The following PIK3CA variants were observed in gnomAD, a reference collection of about 807,000 sequenced individuals.
PIK3CA encodes the protein phosphatidylinositol 4,5-bisphosphate 3-kinase catalytic subunit alpha isoform.
Under a neutral mutation model 138.2 loss-of-function variants are expected in PIK3CA, and 27 were observed. The ratio of observed to expected loss-of-function variants is 0.20; its 90% confidence interval spans 0.14 to 0.27. PIK3CA has a LOEUF of 0.27. PIK3CA is among the 10% of genes least tolerant of loss of function. The pLI, the probability that PIK3CA is intolerant of heterozygous loss-of-function variation, is 1.00. For synonymous variants in PIK3CA, 358 were observed against 413.2 expected (o/e 0.87, Z 1.62); for missense variants, 544 against 1,277.4 (o/e 0.43, Z 8.75).
intron 1 of PIK3CA, among the ~76,000 whole-genome samples, chr3:179,164,422 TAAGAA>T (rs1402859802): frequency 6.6e-6 from 1 of 152,188 alleles, no homozygotes; most frequent in African/African-American, 2.4e-5. Context: ...CCATCCAAGT[TAAGAA>T]AAGGAAAAAT....
rs917686551 is a variant in PIK3CA at position 179,236,556 on chromosome 3, C to T, written c.*2192C>T. On this transcript the variant is annotated 3_prime_UTR_variant, in exon 21 of 21. Coordinates refer to ENST00000263967, the MANE Select transcript of PIK3CA (RefSeq NM_006218.4). The stretch of plus-strand genomic sequence containing the variant: ...ATTTAACAGAGAACTGTGTTTTACC[C>T]GAGTGCCAAAAATGCTGTGAGCCTC... 11 of 223,494 alleles carry T rather than the reference C, an allele frequency of 4.9e-5. No homozygotes were observed. Among genetic ancestry groups the T allele is most frequent in the Middle Eastern group, 4.2e-4 (1 of 2,372 alleles). The allele number at this position is 223,494 out of a possible 1,614,324, so 13.8% of individuals were successfully genotyped here. A position where few individuals can be genotyped will look rare whatever the true frequency, so the allele number is the denominator to read the frequency against.
chr3:179,170,141 CTAAG>C (rs924262388), intron 1 of PIK3CA, among the ~76,000 whole-genome samples: 2 of 152,028 alleles, frequency 1.3e-5, no homozygotes, highest in African/African-American at 2.4e-5. Context: ...CTTTGACGTA[CTAAG>C]TAATAGATAT....
intron 1 of PIK3CA, among the ~76,000 whole-genome samples, chr3:179,171,398 AAGAGT>A (rs1284210453): frequency 6.6e-6 from 1 of 152,172 alleles, no homozygotes; most frequent in African/African-American, 2.4e-5. Context: ...CTAGAAAAGA[AAGAGT>A]AAAGTGTACC....
chr3:179,188,333 TA>T (rs1724043896), intron 1 of PIK3CA, among the ~76,000 whole-genome samples: 1 of 152,218 alleles, frequency 6.6e-6, no homozygotes, highest in African/African-American at 2.4e-5. Context: ...GGAGACACTC[TA>T]ATTCTGTCCA....
chr3:179,215,775 G>A (rs540917172), intron 9 of PIK3CA, among the ~76,000 whole-genome samples: 7 of 152,096 alleles, frequency 4.6e-5, no homozygotes, highest in Non-Finnish European at 8.8e-5. Flanking sequence ...TTTTCACCCA[G>A]AATGATGACA....
chr3:179,202,751 G>GT, intron 4 of PIK3CA, among the ~76,000 whole-genome samples: 2 of 152,074 alleles, frequency 1.3e-5, no homozygotes, highest in Non-Finnish European at 2.9e-5. Context: ...ACTATTTGTG[G>GT]TTTTTTGTTT....
At chr3:179,178,372 G>A (rs1218392131) in intron 1 of PIK3CA, among the ~76,000 whole-genome samples, 15 of 151,706 alleles carry the variant, frequency 9.9e-5, no homozygotes, top group Admixed American at 9.2e-4. Flanking sequence ...TATACAAATG[G>A]CCAATAAGCA....
intron 1 of PIK3CA, among the ~76,000 whole-genome samples, chr3:179,190,310 C>G (rs576718214): frequency 6.8e-6 from 1 of 147,292 alleles, no homozygotes; most frequent in Non-Finnish European, 1.5e-5. Flanking sequence ...ATAGTGCACC[C>G]CCCCCACCAC....
chr3:179,185,859 A>G, intron 1 of PIK3CA, among the ~76,000 whole-genome samples: 1 of 152,192 alleles, frequency 6.6e-6, no homozygotes, highest in South Asian at 2.1e-4. Flanking sequence ...AGGAACCTCC[A>G]CTTGTTCAGC....
At chr3:179,168,778 A>G (rs1461398182) in intron 1 of PIK3CA, among the ~76,000 whole-genome samples, 1 of 152,180 alleles carries the variant, frequency 6.6e-6, no homozygotes, top group Non-Finnish European at 1.5e-5. Context: ...ATTCATTTCA[A>G]TATAAGGTAT....
chr3:179,174,023 C>A (rs73187259), intron 1 of PIK3CA, among the ~76,000 whole-genome samples: 1 of 152,008 alleles, frequency 6.6e-6, no homozygotes, highest in Non-Finnish European at 1.5e-5. Context: ...CCATTGCGCC[C>A]GGCCCGGAAG....
intron 18 of PIK3CA, 72 bp downstream of exon 18, chr3:179,229,514 T>C (rs1560149042): frequency 5.4e-6 from 6 of 1,115,190 alleles, no homozygotes; most frequent in Admixed American, 2.6e-5. Context: ...TGTTTGTGTA[T>C]TCCTCTGAGT....
rs935918397 is a variant in PIK3CA at position 179,236,029 on chromosome 3, T to C, written c.*1665T>C. On this transcript the variant is annotated 3_prime_UTR_variant, in exon 21 of 21. Coordinates refer to ENST00000263967, the MANE Select transcript of PIK3CA (RefSeq NM_006218.4). ...ACAGTTTTTTAGATTAGGCATATTA[T>C]TGGAAAACAACTTTATAAAGAGTGA... The C allele has an allele frequency of 2.9e-5, 6 of 207,790 alleles. No homozygotes were observed. Among genetic ancestry groups the C allele is most frequent in the African/African-American group, 1.4e-4 (6 of 43,982 alleles). The allele number at this position is 207,790 out of a possible 1,614,324, so 12.9% of individuals were successfully genotyped here. A position where few individuals can be genotyped will look rare whatever the true frequency, so the allele number is the denominator to read the frequency against.
At chr3:179,182,630 C>A (rs149728967) in intron 1 of PIK3CA, among the ~76,000 whole-genome samples, 157 of 152,130 alleles carry the variant, frequency 1.0e-3, no homozygotes, top group Non-Finnish European at 1.3e-3. Context: ...GTGTTCGTAG[C>A]ACTGTACTCC....
rs1413847379 is a variant in PIK3CA, at chr3:179,210,426, C to T, written c.1405-5C>T. 3 of 1,611,338 alleles carry T rather than the reference C, an allele frequency of 1.9e-6. No homozygotes were observed. The highest frequency in any genetic ancestry group is 2.5e-6 in the Non-Finnish European group (3 of 1,179,288). ...ATATATAATAGCTTTTCTTCCATCT[C>T]TTAGGAAACTCCATGCTTAGAGTTG... is the stretch of plus-strand genomic sequence containing the variant. On this transcript the variant is annotated splice_polypyrimidine_tract_variant and splice_region_variant and intron_variant, in intron 8 of 20. Transcript: ENST00000263967.
At chr3:179,180,106 A>G (rs1453156377) in intron 1 of PIK3CA, among the ~76,000 whole-genome samples, 1 of 152,186 alleles carries the variant, frequency 6.6e-6, no homozygotes, top group East Asian at 1.9e-4. Context: ...CTAGAGATCC[A>G]CAATATTGTC....
Position 179,220,950 on chromosome 3 carries a change from T to G in PIK3CA, c.2016-36T>G. On this transcript the variant is annotated intron_variant, in intron 13 of 20. Transcript: ENST00000263967. This position sits in a 1 kb window ranked among gnomAD's most constrained non-coding sequence, Gnocchi z 4.1. ...TTATTTGTATACTGATTTAAGACTA[T>G]ATATATATATTTTTAATTTTGCACG... is the stretch of plus-strand genomic sequence containing the variant. The G allele has an allele frequency of 7.2e-7, 1 of 1,395,924 alleles. No individual in the cohort carries two copies. The highest frequency in any genetic ancestry group is 9.8e-7 in the Non-Finnish European group (1 of 1,021,116). The allele number at this position is 1,395,924 out of a possible 1,614,324, so 86.5% of individuals were successfully genotyped here.
At chr3:179,162,322 T>TA (rs977203573) in intron 1 of PIK3CA, among the ~76,000 whole-genome samples, 1 of 152,064 alleles carries the variant, frequency 6.6e-6, no homozygotes, top group African/African-American at 2.4e-5. Flanking sequence ...TACAAGTAGA[T>TA]AAACACATTA....
intron 1 of PIK3CA, among the ~76,000 whole-genome samples, chr3:179,175,131 A>G (rs1172523854): frequency 1.3e-5 from 2 of 152,126 alleles, no homozygotes; most frequent in African/African-American, 4.8e-5. Flanking sequence ...CCATACCTTC[A>G]TGGTTGACTA....
Sources: allele counts gnomAD v4.1 joint callset (sites outside exome capture counted in the v4.1 genomes callset), GRCh38; gene constraint gnomAD v4.1.1; non-coding constraint Gnocchi (gnomAD v3.1); transcripts MANE v1.5; gene names NCBI Gene and HGNC (gene_info 2026-07-23, HGNC 2026-07-21).